Variants in SUGCT observed in about 807,000 individuals in gnomAD.
SUGCT encodes the protein succinyl-CoA:glutarate-CoA transferase.
In SUGCT, 41 loss-of-function variants were observed where a neutral mutation model predicts 55.0. The ratio of observed to expected loss-of-function variants is 0.74; its 90% CI spans 0.58 to 0.97. SUGCT has a LOEUF of 0.97. Among genes scored for constraint, SUGCT ranks in the 50% least tolerant of loss-of-function variants. The pLI is 0.00. For synonymous variants in SUGCT, 187 were observed against 200.4 expected (o/e 0.93, Z 0.56); for missense variants, 568 against 547.8 (o/e 1.04, Z -0.37).
rs1563050812 is a variant in SUGCT, at chr7:40,854,462, T to TTC, written c.1154-5852_1154-5851dup. On this transcript the variant is annotated intron_variant, in intron 13 of 13. Coordinates refer to ENST00000335693, the MANE Select transcript of SUGCT (RefSeq NM_001193313.2). ...TTTCTTTCTTTCTTTCTTTCTTTCT[T>TTC]TCTTTCTTTCTTTCTCTTTCTCTCT... Among the ~76,000 whole-genome samples, 6 of 144,644 alleles carry TTC rather than the reference T, an allele frequency of 4.1e-5. No individual in the cohort carries two copies. The Admixed American group carries it at 4.2e-4, about 10-fold the overall frequency. 94.9% of individuals were successfully genotyped at this position (144,644 alleles called of 152,430 possible).
intron 10 of SUGCT, among the ~76,000 whole-genome samples, chr7:40,458,812 C>T (rs1176534052): frequency 6.6e-6 from 1 of 152,134 alleles, no homozygotes; most frequent in East Asian, 1.9e-4. Context: ...TAACATGTTT[C>T]CTATATTCTC....
In SUGCT at chr7:40,333,695, A is replaced by C. The variant is rs1371702441; in HGVS notation, c.816+16840A>C. 2.3e-5 allele frequency among the ~76,000 whole-genome samples: 3 copies of C among 132,462 alleles called. No individual in the cohort carries two copies. In the South Asian group the frequency reaches 7.0e-4, roughly 31 times the overall value. 86.9% of individuals were successfully genotyped at this position (132,462 alleles called of 152,430 possible). On this transcript the variant is annotated intron_variant, in intron 9 of 13. Transcript: ENST00000335693. ...TATATATATATATATATATATATAT[A>C]TATATATAAATATTTATAAAATACA...
At chr7:40,525,156 C>G (rs1490739338) in intron 12 of SUGCT, among the ~76,000 whole-genome samples, 1 of 152,118 alleles carries the variant, frequency 6.6e-6, no homozygotes, top group Non-Finnish European at 1.5e-5. Context: ...AGTAAGCAAG[C>G]TTTAATTTAT....
intron 12 of SUGCT, among the ~76,000 whole-genome samples, chr7:40,536,251 G>A (rs1482870749): frequency 6.6e-6 from 1 of 152,112 alleles, no homozygotes; most frequent in Non-Finnish European, 1.5e-5. Flanking sequence ...TCTAGAGAAA[G>A]AAGGAAGATA....
intron 11 of SUGCT, among the ~76,000 whole-genome samples, chr7:40,483,511 C>T (rs1444681532): frequency 6.6e-6 from 1 of 151,868 alleles, no homozygotes; most frequent in Non-Finnish European, 1.5e-5. Flanking sequence ...TAAACCAACA[C>T]AAAAGCAAAA....
At chr7:40,333,849 C>T (rs113173905) in intron 9 of SUGCT, among the ~76,000 whole-genome samples, 3 of 150,164 alleles carry the variant, frequency 2.0e-5, no homozygotes, top group African/African-American at 4.9e-5. Flanking sequence ...GTGTGCTGCA[C>T]CCATTAACTC....
chr7:40,791,158 T>C (rs7785245), intron 13 of SUGCT, among the ~76,000 whole-genome samples: 11,318 of 152,296 alleles, frequency 0.074, 583 homozygotes, highest in Non-Finnish European at 0.11. Flanking sequence ...TTGCTGTTTA[T>C]ATAGAATGTA....
intron 8 of SUGCT, among the ~76,000 whole-genome samples, chr7:40,309,892 TAAA>T (rs5883726): frequency 0.17 from 24,779 of 143,174 alleles, 2,181 homozygotes; most frequent in Middle Eastern, 0.22. Flanking sequence ...AAAAAAGTAT[TAAA>T]AAAAAAAAAA....
chr7:40,441,472 T>TA (rs1179021808), intron 9 of SUGCT, among the ~76,000 whole-genome samples: 1 of 152,076 alleles, frequency 6.6e-6, no homozygotes, highest in African/African-American at 2.4e-5. Context: ...CAAAACAAAC[T>TA]AAAAAAACCC....
At chr7:40,413,314 A>G (rs772362482) in intron 9 of SUGCT, among the ~76,000 whole-genome samples, 4 of 152,066 alleles carry the variant, frequency 2.6e-5, no homozygotes, top group Non-Finnish European at 2.9e-5. Context: ...GCATCTCCTC[A>G]AGAATACTGC....
intron 12 of SUGCT, among the ~76,000 whole-genome samples, chr7:40,536,939 A>T (rs1327899752): frequency 6.6e-6 from 1 of 152,232 alleles, no homozygotes; most frequent in Non-Finnish European, 1.5e-5. Flanking sequence ...AAATTAAACA[A>T]CAAAATCTAA....
chr7:40,879,208 T>C, the SUGCT span, among the ~76,000 whole-genome samples: 1 of 152,246 alleles, frequency 6.6e-6, no homozygotes, highest in Non-Finnish European at 1.5e-5. Flanking sequence ...AAATACCTTT[T>C]AATTTATTCA....
intron 9 of SUGCT, among the ~76,000 whole-genome samples, chr7:40,416,215 T>A (rs1786993497): frequency 6.6e-6 from 1 of 151,906 alleles, no homozygotes; most frequent in Admixed American, 6.5e-5. Context: ...TTTTAATTTC[T>A]TGTTTTTGTT....
At chr7:40,813,315 G>T (rs1791513228) in intron 13 of SUGCT, among the ~76,000 whole-genome samples, 1 of 151,996 alleles carries the variant, frequency 6.6e-6, no homozygotes, top group Non-Finnish European at 1.5e-5. Context: ...AGATGTTGAA[G>T]TTCCCCACTA....
intron 13 of SUGCT, among the ~76,000 whole-genome samples, chr7:40,822,936 A>C (rs1415354935): frequency 2.6e-5 from 4 of 152,172 alleles, no homozygotes; most frequent in African/African-American, 9.6e-5. Context: ...AGTTTGACTA[A>C]ATATTCCGAA....
At chr7:40,944,967 A>G in the SUGCT span, among the ~76,000 whole-genome samples, 1 of 152,168 alleles carries the variant, frequency 6.6e-6, no homozygotes, top group East Asian at 1.9e-4. Context: ...GTGGGGTTGG[A>G]ATGGTAGAGG....
chr7:40,401,136 G>A (rs1583600913), intron 9 of SUGCT, among the ~76,000 whole-genome samples: 1 of 150,964 alleles, frequency 6.6e-6, no homozygotes, highest in African/African-American at 2.4e-5. Context: ...TTGTGGAATA[G>A]CCTGTATCTC....
chr7:40,180,547 C>T (rs866933556), intron 1 of SUGCT, among the ~76,000 whole-genome samples: 4 of 150,418 alleles, frequency 2.7e-5, no homozygotes, highest in Non-Finnish European at 4.4e-5. Context: ...TGGAGTGCAG[C>T]GGCATGATCT....
intron 9 of SUGCT, among the ~76,000 whole-genome samples, chr7:40,445,327 TC>T (rs1189346784): frequency 1.3e-5 from 2 of 151,970 alleles, no homozygotes; most frequent in African/African-American, 4.8e-5. Context: ...TCACCACTGA[TC>T]CCACAGAAAT....
Sources: gnomAD v4.1 joint callset for allele counts (sites outside exome capture counted in the v4.1 genomes callset) on GRCh38, gnomAD v4.1.1 for gene constraint, MANE v1.5 for transcripts, NCBI Gene and HGNC (gene_info 2026-07-23, HGNC 2026-07-21) for gene names.